Variants in NEK7 observed in about 807,000 individuals in gnomAD.
The protein encoded by NEK7 is NIMA related kinase 7.
In NEK7, 18 loss-of-function variants were observed where a neutral mutation model predicts 44.6. That is an observed-to-expected ratio of 0.40 (90% CI 0.28 to 0.60). The LOEUF is 0.60. NEK7 is among the 20% of genes least tolerant of loss of function. The pLI, the probability that NEK7 is intolerant of heterozygous loss-of-function variation, is 0.38. For synonymous variants in NEK7, 130 were observed against 121.1 expected, an observed-to-expected ratio of 1.07 and a Z score of -0.48; for missense variants, 256 against 366.5, an observed-to-expected ratio of 0.70 and a Z score of 2.46.
At chr1:198,275,342 T>G (rs1253522961) in intron 5 of NEK7, among the ~76,000 whole-genome samples, 1 of 151,496 alleles carries the variant, frequency 6.6e-6, no homozygotes, top group Non-Finnish European at 1.5e-5. Flanking sequence ...GCATAAATAT[T>G]GTAAAAGCGC....
intron 7 of NEK7, among the ~76,000 whole-genome samples, chr1:198,287,418 A>C (rs1210350494): frequency 6.6e-6 from 1 of 152,060 alleles, no homozygotes; most frequent in East Asian, 1.9e-4. Context: ...AACAAACAAA[A>C]AAAAGCTAGA....
At position 198,164,710 on chromosome 1, in the gene NEK7, A is replaced by G. The variant is rs543355681; in HGVS notation, c.-29+7434A>G. ...TTTGCTGGTGGAGGGTCTTACCTCA[A>G]TGTTGATGGCTGCTAAATGATTACG... On this transcript the variant is annotated intron_variant, in intron 1 of 9. Coordinates refer to ENST00000367385, the MANE Select transcript of NEK7 (RefSeq NM_133494.3). 8.5e-5 allele frequency among the ~76,000 whole-genome samples: 13 copies of G among 152,324 alleles called. No homozygotes were observed. The East Asian group carries it at 9.6e-4, about 11-fold the overall frequency.
chr1:198,229,235 A>C (rs538475260), intron 1 of NEK7, among the ~76,000 whole-genome samples: 1 of 152,292 alleles, frequency 6.6e-6, no homozygotes, highest in South Asian at 2.1e-4. Flanking sequence ...TGGATAGCTG[A>C]ACACATTGGA....
At chr1:198,300,207 T>A (rs546325147) in intron 9 of NEK7, among the ~76,000 whole-genome samples, 2 of 152,316 alleles carry the variant, frequency 1.3e-5, no homozygotes, top group South Asian at 4.1e-4. Context: ...TTTCCTTAGA[T>A]GTCTCTTAGT....
intron 2 of NEK7, among the ~76,000 whole-genome samples, chr1:198,242,084 C>T (rs1666699419): frequency 1.3e-5 from 2 of 151,062 alleles, no homozygotes; most frequent in African/African-American, 2.4e-5. Context: ...TCTCTCTCTC[C>T]CTCACTCCTC....
intron 5 of NEK7, among the ~76,000 whole-genome samples, chr1:198,275,542 C>T (rs551205514): frequency 5.3e-5 from 8 of 149,642 alleles, no homozygotes; most frequent in African/African-American, 2.0e-4. Context: ...ATAGGGCTGC[C>T]TTTTTTCAAG....
intron 1 of NEK7, among the ~76,000 whole-genome samples, chr1:198,179,931 G>T (rs185971347): frequency 1.3e-5 from 2 of 152,196 alleles, no homozygotes; most frequent in Admixed American, 6.5e-5. Context: ...CTTTCTCCTT[G>T]TGTAATTTTG....
chr1:198,227,681 C>G (rs1212577592), intron 1 of NEK7, among the ~76,000 whole-genome samples: 2 of 152,162 alleles, frequency 1.3e-5, no homozygotes, highest in East Asian at 3.8e-4. Context: ...TGAGAAGTGT[C>G]TGTTCATATC....
chr1:198,164,512 G>A lies in NEK7; in HGVS notation c.-29+7236G>A, dbSNP rs1440550500. Among the ~76,000 whole-genome samples, 5 of 152,266 alleles carry A rather than the reference G, an allele frequency of 3.3e-5. 1 individual carries two copies. The highest frequency in any genetic ancestry group is 1.2e-4 in the African/African-American group (5 of 41,554). On this transcript the variant is annotated intron_variant, in intron 1 of 9. Coordinates refer to ENST00000367385, the MANE Select transcript of NEK7 (RefSeq NM_133494.3). ...GCAATAAAGTGAATCTTGCAATAAAGCGAGTCAGATGAATCTTTTGGTTTC... is the reference window on the plus strand; with the variant it reads ...GCAATAAAGTGAATCTTGCAATAAAACGAGTCAGATGAATCTTTTGGTTTC...
At chr1:198,158,638 C>G (rs1368438177) in intron 1 of NEK7, among the ~76,000 whole-genome samples, 2 of 152,214 alleles carry the variant, frequency 1.3e-5, no homozygotes, top group African/African-American at 4.8e-5. Context: ...AACAGTAAAA[C>G]AGGAGATACA....
intron 3 of NEK7, among the ~76,000 whole-genome samples, chr1:198,255,866 T>G (rs547696596): frequency 2.2e-4 from 34 of 152,312 alleles, no homozygotes; most frequent in Non-Finnish European, 4.6e-4. Flanking sequence ...ATTTGCATTT[T>G]AGACATATTG....
At chr1:198,161,603 A>C (rs1458762140) in intron 1 of NEK7, among the ~76,000 whole-genome samples, 1 of 152,136 alleles carries the variant, frequency 6.6e-6, no homozygotes, top group Non-Finnish European at 1.5e-5. Context: ...CCCTCAGAAT[A>C]ATACCCAGCT....
chr1:198,293,767 C>T (rs542103142), intron 8 of NEK7, among the ~76,000 whole-genome samples: 10 of 151,680 alleles, frequency 6.6e-5, no homozygotes, highest in Non-Finnish European at 1.3e-4. Context: ...ATATAGGCTT[C>T]GAGTCAAAGC....
intron 2 of NEK7, among the ~76,000 whole-genome samples, chr1:198,236,857 C>T (rs756660966): frequency 6.6e-5 from 10 of 152,122 alleles, no homozygotes; most frequent in African/African-American, 1.2e-4. Flanking sequence ...ACTCTTCCTT[C>T]GAGTTGTTAA....
At chr1:198,283,323 TGTCCTGCGA>T (rs1464437628) in intron 7 of NEK7, among the ~76,000 whole-genome samples, 1 of 152,086 alleles carries the variant, frequency 6.6e-6, no homozygotes, top group Non-Finnish European at 1.5e-5. Flanking sequence ...GGGTCTTCTG[TGTCCTGCGA>T]GTCTGCATCT....
At chr1:198,175,925 A>T (rs764353081) in intron 1 of NEK7, among the ~76,000 whole-genome samples, 67 of 152,104 alleles carry the variant, frequency 4.4e-4, no homozygotes, top group Non-Finnish European at 7.9e-4. Context: ...CCCTGATTTG[A>T]TTTGTTGTTT....
At chr1:198,295,578 A>T (rs1330959892) in intron 8 of NEK7, among the ~76,000 whole-genome samples, 1 of 152,030 alleles carries the variant, frequency 6.6e-6, no homozygotes, top group African/African-American at 2.4e-5. Flanking sequence ...CAGGAGATGC[A>T]TGAAAATATA....
intron 9 of NEK7, among the ~76,000 whole-genome samples, chr1:198,317,873 A>ATTTTTTTTTTTT (rs1410887023): frequency 7.5e-5 from 2 of 26,602 alleles, no homozygotes; most frequent in Non-Finnish European, 1.3e-4. Context: ...TACTGGATAT[A>ATTTTTTTTTTTT]TTTATTTTTT....
chr1:198,322,247 C>G lies in NEK7; in HGVS notation c.*2725C>G, dbSNP rs1022365932. The G allele has an allele frequency of 1.3e-5, 2 of 152,132 alleles. No homozygotes were observed. The highest frequency in any genetic ancestry group is 4.1e-4 in the South Asian group (2 of 4,836). The allele number at this position is 152,132 out of a possible 1,614,324, so 9.4% of individuals were successfully genotyped here. Reference sequence around the variant, plus strand: ...TATGTTTTTAACCCACAAATGCATACTTACCCTGTGCCTCATATTTCAATA... The same window carrying G: ...TATGTTTTTAACCCACAAATGCATAGTTACCCTGTGCCTCATATTTCAATA... On this transcript the variant is annotated 3_prime_UTR_variant, in exon 10 of 10. Transcript: ENST00000367385.
Sources: allele counts gnomAD v4.1 joint callset (sites outside exome capture counted in the v4.1 genomes callset), GRCh38; gene constraint gnomAD v4.1.1; transcripts MANE v1.5; gene names NCBI Gene and HGNC (gene_info 2026-07-23, HGNC 2026-07-21).